Variants in SLC32A1 observed in about 807,000 individuals in gnomAD.
SLC32A1 encodes the protein solute carrier family 32 member 1.
A neutral mutation model predicts 35.5 loss-of-function variants in SLC32A1; 8 were observed. The ratio of observed to expected loss-of-function variants is 0.23; its 90% CI spans 0.13 to 0.41. The LOEUF (loss-of-function observed/expected upper bound fraction) is 0.41. Ranked by LOEUF, SLC32A1 falls within the 10% of genes least tolerant of loss-of-function variation. The probability of loss-of-function intolerance (pLI) is 1.00; values close to 1 mark genes in which losing one functional copy is unlikely to be tolerated. For synonymous variants in SLC32A1, 317 were observed against 326.3 expected (o/e 0.97, Z 0.31); for missense variants, 493 against 722.3 (o/e 0.68, Z 3.64).
chr20:38,724,601 C>G lies in SLC32A1; in HGVS notation c.-124C>G, dbSNP rs1357631956. 3.7e-5 allele frequency: 46 copies of G among 1,249,884 alleles called. No individual in the cohort carries two copies. Among genetic ancestry groups the G allele is most frequent in the Non-Finnish European group, 4.8e-5 (44 of 923,958 alleles). 77.4% of individuals were successfully genotyped at this position (1,249,884 alleles called of 1,614,324 possible). A position where few individuals can be genotyped will look rare whatever the true frequency, so the allele number is the denominator to read the frequency against. On this transcript the variant is annotated 5_prime_UTR_variant, in exon 1 of 2. Transcript: ENST00000217420. ...CTGCGAGGGTCATGAGCCAGAGAGCCCCGGGGCGCCGCGCGGAGAGCAAGC... is the reference window on the plus strand; with the variant it reads ...CTGCGAGGGTCATGAGCCAGAGAGCGCCGGGGCGCCGCGCGGAGAGCAAGC...
In SLC32A1 at chr20:38,726,270, G is replaced by T. The variant is rs2084275703; in HGVS notation, c.390+1156G>T. Among the ~76,000 whole-genome samples the T allele has an allele frequency of 6.6e-6, 1 of 152,248 alleles. No individual in the cohort carries two copies. Among genetic ancestry groups the T allele is most frequent in the African/African-American group, 2.4e-5 (1 of 41,466 alleles). On this transcript the variant is annotated intron_variant, in intron 1 of 1. Coordinates refer to ENST00000217420, the MANE Select transcript of SLC32A1 (RefSeq NM_080552.3). The surrounding 1 kb of genome is among the most constrained non-coding windows in gnomAD (Gnocchi z 4.7). ...ACGGAAGGCAGGTTTTCTGGGAGCAGAGGCCTCCCAGGGGTTGTTCCATGT... is the reference window on the plus strand; with the variant it reads ...ACGGAAGGCAGGTTTTCTGGGAGCATAGGCCTCCCAGGGGTTGTTCCATGT...
chr20:38,725,098 T>C lies in SLC32A1; in HGVS notation c.374T>C (p.Val125Ala). The change falls in exon 1 of 2, where the codon GTG becomes GCG. Residue 125 changes from valine (V) to alanine (A), a missense_variant. Val to Ala is a moderately conservative substitution (Grantham distance 64, BLOSUM62 0). Transcript: ENST00000217420. ...ACGGCGTGGGAGGCAGGCTGGAACG[T>C]GACCAACGCCATCCAGGTAAGCGCG... ...KITAWEAGWNVTNAIQGMFVL... is the reference protein window; with the variant it reads ...KITAWEAGWNATNAIQGMFVL... 6.6e-7 allele frequency: 1 copy of C among 1,512,894 alleles called. No homozygotes were observed. The highest frequency in any genetic ancestry group is 8.8e-7 in the Non-Finnish European group (1 of 1,131,614). The allele number at this position is 1,512,894 out of a possible 1,614,324, so 93.7% of individuals were successfully genotyped here.
rs541109085 is a variant in SLC32A1 at position 38,726,449 on chromosome 20, T to A, written c.391-1003T>A. On this transcript the variant is annotated intron_variant, in intron 1 of 1. Coordinates refer to ENST00000217420, the MANE Select transcript of SLC32A1 (RefSeq NM_080552.3). This position sits in a 1 kb window ranked among gnomAD's most constrained non-coding sequence, Gnocchi z 4.7. ...GCCCCGCGACTTCCCGGGGCGTCTTTCAAGGCTCCGTTTGATAGGCCCCAA... is the reference window on the plus strand; with the variant it reads ...GCCCCGCGACTTCCCGGGGCGTCTTACAAGGCTCCGTTTGATAGGCCCCAA... Among the ~76,000 whole-genome samples the A allele has an allele frequency of 6.6e-6, 1 of 152,214 alleles. No individual in the cohort carries two copies. The highest frequency in any genetic ancestry group is 6.5e-5 in the Admixed American group (1 of 15,306).
chr20:38,728,276 G>A lies in SLC32A1; in HGVS notation c.1215G>A (p.Leu405=), dbSNP rs2084285818. The change falls in exon 2 of 2, where the codon CTG becomes CTA. Residue 405 remains leucine, a synonymous_variant. Transcript: ENST00000217420. The part of the protein sequence containing the change: ...PLPFFAAVEV[L]EKSLFQEGSR... Reference sequence around the variant, plus strand: ...CATTCTTTGCCGCTGTCGAGGTGCTGGAGAAGTCGCTCTTCCAGGAAGGCA... The same window carrying A: ...CATTCTTTGCCGCTGTCGAGGTGCTAGAGAAGTCGCTCTTCCAGGAAGGCA... 6.2e-7 allele frequency: 1 copy of A among 1,613,798 alleles called. No homozygotes were observed. The highest frequency in any genetic ancestry group is 1.7e-5 in the Admixed American group (1 of 60,030).
chr20:38,728,793 A>G lies in SLC32A1; in HGVS notation c.*154A>G, dbSNP rs1164404653. 9.5e-6 allele frequency: 3 copies of G among 314,386 alleles called. No individual in the cohort carries two copies. The highest frequency in any genetic ancestry group is 2.3e-5 in the African/African-American group (1 of 42,846). The allele number at this position is 314,386 out of a possible 1,614,324, so 19.5% of individuals were successfully genotyped here. A position where few individuals can be genotyped will look rare whatever the true frequency, so the allele number is the denominator to read the frequency against. On this transcript the variant is annotated 3_prime_UTR_variant, in exon 2 of 2. Coordinates refer to ENST00000217420, the MANE Select transcript of SLC32A1 (RefSeq NM_080552.3). ...TTCTGATTATTCGGGGATGGGGGGG[A>G]TGGGAGGGGACAGGGATTCACGATC...
In SLC32A1 at chr20:38,724,541, G is replaced by A; in HGVS notation, c.-184G>A. 1 of 722,110 alleles carries A rather than the reference G, an allele frequency of 1.4e-6. No homozygotes were observed. The highest frequency in any genetic ancestry group is 2.2e-6 in the Non-Finnish European group (1 of 463,358). 44.7% of individuals were successfully genotyped at this position (722,110 alleles called of 1,614,324 possible). ...GCTCCGCCAGACCTGCTGCCAGCTT[G>A]CCCGGTCCAGCCCTGAGAGAGCCTC... On this transcript the variant is annotated 5_prime_UTR_variant, in exon 1 of 2. Coordinates refer to ENST00000217420, the MANE Select transcript of SLC32A1 (RefSeq NM_080552.3).
Position 38,727,822 on chromosome 20 carries a change from G to C in SLC32A1, c.761G>C (p.Cys254Ser). 1 of 1,614,188 alleles carries C rather than the reference G, an allele frequency of 6.2e-7. No homozygotes were observed. The highest frequency in any genetic ancestry group is 8.5e-7 in the Non-Finnish European group (1 of 1,180,030). Residue 254 changes from cysteine (C) to serine (S), a missense_variant, in exon 2 of 2, where the codon TGC (cysteine) becomes TCC (serine). Coordinates refer to ENST00000217420, the MANE Select transcript of SLC32A1 (RefSeq NM_080552.3). Reference sequence around the variant, plus strand: ...ATCGCCACGGCCGTGCTGCTGCCTTGCGCCTTCCTTAAGAACCTCAAGGCC... The same window carrying C: ...ATCGCCACGGCCGTGCTGCTGCCTTCCGCCTTCCTTAAGAACCTCAAGGCC... The part of the protein sequence containing the change: ...SIIATAVLLP[C>S]AFLKNLKAVS...
At position 38,724,908 on chromosome 20, in the gene SLC32A1, A is replaced by G; in HGVS notation, c.184A>G (p.Ile62Val). The G allele has an allele frequency of 6.2e-7, 1 of 1,613,912 alleles. No homozygotes were observed. The highest frequency in any genetic ancestry group is 8.5e-7 in the Non-Finnish European group (1 of 1,179,944). ...GCACCGCCAGGGCCTGCAGATGGAC[A>G]TCCTGAAAGCCGAGGGAGAGCCCTG... ...FEHRQGLQMD[I>V]LKAEGEPCGD... is the part of the protein sequence containing the mutation. Residue 62 changes from isoleucine to valine, a missense_variant, in exon 1 of 2, where the codon ATC becomes GTC. Transcript: ENST00000217420.
chr20:38,726,199 A>G lies in SLC32A1; in HGVS notation c.390+1085A>G, dbSNP rs956051543. Among the ~76,000 whole-genome samples, 5 of 152,180 alleles carry G rather than the reference A, an allele frequency of 3.3e-5. No homozygotes were observed. Among genetic ancestry groups the G allele is most frequent in the Admixed American group, 1.3e-4 (2 of 15,278 alleles). On this transcript the variant is annotated intron_variant, in intron 1 of 1. Transcript: ENST00000217420. This position sits in a 1 kb window ranked among gnomAD's most constrained non-coding sequence, Gnocchi z 4.7. ...CAGCTCTAGGCAACCCCGGTCCCTT[A>G]CAGCTTGGCCCCGCGGCGTCCCTGG...
In SLC32A1 at chr20:38,728,818, C is replaced by T; in HGVS notation, c.*179C>T. On this transcript the variant is annotated 3_prime_UTR_variant, in exon 2 of 2. Coordinates refer to ENST00000217420, the MANE Select transcript of SLC32A1 (RefSeq NM_080552.3). Reference sequence around the variant, plus strand: ...ATGGGAGGGGACAGGGATTCACGATCCATCGCGTCTGCGTTTCTGTTGTCC... The same window carrying T: ...ATGGGAGGGGACAGGGATTCACGATTCATCGCGTCTGCGTTTCTGTTGTCC... The T allele has an allele frequency of 1.6e-6, 1 of 608,032 alleles. No homozygotes were observed. The highest frequency in any genetic ancestry group is 2.8e-6 in the Non-Finnish European group (1 of 354,752). 37.7% of individuals were successfully genotyped at this position (608,032 alleles called of 1,614,324 possible).
At position 38,724,626 on chromosome 20, in the gene SLC32A1, C is replaced by A; in HGVS notation, c.-99C>A. On this transcript the variant is annotated 5_prime_UTR_variant, in exon 1 of 2. Transcript: ENST00000217420. ...CCCGGGGCGCCGCGCGGAGAGCAAG[C>A]GGAGATAGCGACTTTGCGCCCCCCA... 2 of 1,432,542 alleles carry A rather than the reference C, an allele frequency of 1.4e-6. No homozygotes were observed. The highest frequency in any genetic ancestry group is 1.9e-6 in the Non-Finnish European group (2 of 1,077,232). 88.7% of individuals were successfully genotyped at this position (1,432,542 alleles called of 1,614,324 possible).
chr20:38,725,718 A>G (rs1224669014), intron 1 of SLC32A1, among the ~76,000 whole-genome samples: 1 of 152,232 alleles, frequency 6.6e-6, no homozygotes, highest in African/African-American at 2.4e-5. Context: ...AAACAAAAGC[A>G]TATACCTGCA....
At position 38,728,973 on chromosome 20, in the gene SLC32A1, G is replaced by C; in HGVS notation, c.*334G>C. ...GAGGGGGTTGGGAAGGGAGGGAGAG[G>C]GGGCGCAGCTCGCAGGCGTGGCAAC... On this transcript the variant is annotated 3_prime_UTR_variant, in exon 2 of 2. Transcript: ENST00000217420. The C allele has an allele frequency of 3.4e-6, 1 of 290,700 alleles. No individual in the cohort carries two copies. Among genetic ancestry groups the C allele is most frequent in the Non-Finnish European group, 6.4e-6 (1 of 155,428 alleles). The allele number at this position is 290,700 out of a possible 1,614,324, so 18.0% of individuals were successfully genotyped here.
In SLC32A1 at chr20:38,727,933, A is replaced by G; in HGVS notation, c.872A>G (p.Asp291Gly). The change falls in exon 2 of 2, where the codon GAC becomes GGC. Residue 291 changes from aspartate (D) to glycine (G), a missense_variant. Physicochemically the swap from Asp to Gly is moderately conservative, Grantham distance 94 (BLOSUM62 -1). Around this residue, in one of 4 missense-constraint regions of SLC32A1, gnomAD observed 269 missense variants for 445.6 expected, o/e 0.60. Coordinates refer to ENST00000217420, the MANE Select transcript of SLC32A1 (RefSeq NM_080552.3). ...GCCTACTGTCTATCGCGGGCGCGCG[A>G]CTGGGCCTGGGAGAAGGTCAAGTTC... ...VIAYCLSRARDWAWEKVKFYI... is the reference protein window; with the variant it reads ...VIAYCLSRARGWAWEKVKFYI... 6.2e-7 allele frequency: 1 copy of G among 1,614,150 alleles called. No individual in the cohort carries two copies. Among genetic ancestry groups the G allele is most frequent in the Non-Finnish European group, 8.5e-7 (1 of 1,180,032 alleles).
Position 38,728,961 on chromosome 20 carries a change from A to C in SLC32A1, c.*322A>C. 3.9e-6 allele frequency: 1 copy of C among 254,802 alleles called. No homozygotes were observed. The highest frequency in any genetic ancestry group is 5.0e-5 in the Admixed American group (1 of 19,838). The allele number at this position is 254,802 out of a possible 1,614,324, so 15.8% of individuals were successfully genotyped here. On this transcript the variant is annotated 3_prime_UTR_variant, in exon 2 of 2. Transcript: ENST00000217420. ...GTTCCAGTCATCGAGGGGGTTGGGA[A>C]GGGAGGGAGAGGGGGCGCAGCTCGC...
chr20:38,727,906 T>C lies in SLC32A1; in HGVS notation c.845T>C (p.Ile282Thr). 1 of 1,614,226 alleles carries C rather than the reference T, an allele frequency of 6.2e-7. No homozygotes were observed. Among genetic ancestry groups the C allele is most frequent in the South Asian group, 1.1e-5 (1 of 91,086 alleles). Reference protein sequence around the residue: ...LAHFVINILVIAYCLSRARDW... With the variant: ...LAHFVINILVTAYCLSRARDW... Reference sequence around the variant, plus strand: ...CACTTCGTCATCAATATCCTGGTCATAGCCTACTGTCTATCGCGGGCGCGC... The same window carrying C: ...CACTTCGTCATCAATATCCTGGTCACAGCCTACTGTCTATCGCGGGCGCGC... The change falls in exon 2 of 2, where the codon ATA (isoleucine) becomes ACA (threonine). Residue 282 changes from isoleucine to threonine, a missense_variant. Ile to Thr is a moderately conservative substitution (Grantham distance 89). Around this residue, in one of 4 missense-constraint regions of SLC32A1, gnomAD observed 269 missense variants for 445.6 expected, o/e 0.60. Transcript: ENST00000217420.
rs945753094 is a variant in SLC32A1, at chr20:38,728,997, A to T, written c.*358A>T. ...GGGGGCGCAGCTCGCAGGCGTGGCAACTTGACCTTGGGGGAATATTTCACA... is the reference window on the plus strand; with the variant it reads ...GGGGGCGCAGCTCGCAGGCGTGGCATCTTGACCTTGGGGGAATATTTCACA... On this transcript the variant is annotated 3_prime_UTR_variant, in exon 2 of 2. Coordinates refer to ENST00000217420, the MANE Select transcript of SLC32A1 (RefSeq NM_080552.3). 1.7e-4 allele frequency: 42 copies of T among 246,526 alleles called. No individual in the cohort carries two copies. Among genetic ancestry groups the T allele is most frequent in the African/African-American group, 9.0e-4 (40 of 44,542 alleles). 15.3% of individuals were successfully genotyped at this position (246,526 alleles called of 1,614,324 possible). A position where few individuals can be genotyped will look rare whatever the true frequency, so the allele number is the denominator to read the frequency against.
rs554931374 is a variant in SLC32A1, at chr20:38,725,398, G to C, written c.390+284G>C. Among the ~76,000 whole-genome samples, 15 of 152,356 alleles carry C rather than the reference G, an allele frequency of 9.8e-5. No individual in the cohort carries two copies. In the East Asian group the frequency reaches 2.7e-3, roughly 27 times the overall value. On this transcript the variant is annotated intron_variant, in intron 1 of 1. Coordinates refer to ENST00000217420, the MANE Select transcript of SLC32A1 (RefSeq NM_080552.3). ...AGACACTGCAAAAGTGAAGGAAATG[G>C]GGGGAGGGAGCAGGAAGCGATGAGA...
In SLC32A1 at chr20:38,728,912, T is replaced by G; in HGVS notation, c.*273T>G. 2 of 391,694 alleles carry G rather than the reference T, an allele frequency of 5.1e-6. No individual in the cohort carries two copies. The highest frequency in any genetic ancestry group is 4.6e-5 in the South Asian group (1 of 21,932). The allele number at this position is 391,694 out of a possible 1,614,324, so 24.3% of individuals were successfully genotyped here. A position where few individuals can be genotyped will look rare whatever the true frequency, so the allele number is the denominator to read the frequency against. ...ATTTGCGGGCAGGGTTCTCTGTCCT[T>G]CCAAGTGGGGCCCCGACACTTTGGT... On this transcript the variant is annotated 3_prime_UTR_variant, in exon 2 of 2. Transcript: ENST00000217420.
Sources: allele counts gnomAD v4.1 joint callset (sites outside exome capture counted in the v4.1 genomes callset), GRCh38; gene constraint gnomAD v4.1.1; regional missense constraint gnomAD v4.1.1; non-coding constraint Gnocchi (gnomAD v3.1); transcripts MANE v1.5; gene names NCBI Gene and HGNC (gene_info 2026-07-23, HGNC 2026-07-21).